GRIN2A: variants seen among roughly 807,000 people sequenced by gnomAD.
GRIN2A encodes the protein glutamate ionotropic receptor NMDA type subunit 2A.
Under a neutral mutation model 113.4 loss-of-function variants are expected in GRIN2A, and 22 were observed. The ratio of observed to expected loss-of-function variants is 0.19; its 90% CI spans 0.14 to 0.28. The LOEUF (loss-of-function observed/expected upper bound fraction) is 0.28. GRIN2A is among the 10% of genes least tolerant of loss of function. The pLI is 1.00. For synonymous variants in GRIN2A, 827 were observed against 738.4 expected (o/e 1.12, Z -1.94); for missense variants, 1,502 against 1,887.0 (o/e 0.80, Z 3.78).
At chr16:10,000,052 C>G (rs997179954) in intron 2 of GRIN2A, among the ~76,000 whole-genome samples, 2 of 152,168 alleles carry the variant, frequency 1.3e-5, no homozygotes, top group African/African-American at 4.8e-5. Context: ...CCTCTGTTTC[C>G]TCTACCTTCA....
chr16:9,848,242 G>T (rs959668606), intron 5 of GRIN2A, among the ~76,000 whole-genome samples: 7 of 150,726 alleles, frequency 4.6e-5, no homozygotes, highest in African/African-American at 1.7e-4. Context: ...TTGAGTCAGA[G>T]TCTCACTCTG....
intron 3 of GRIN2A, among the ~76,000 whole-genome samples, chr16:9,926,746 A>G (rs1010639181): frequency 6.6e-6 from 1 of 152,204 alleles, no homozygotes; most frequent in African/African-American, 2.4e-5. Context: ...ACTAAGGTGT[A>G]CTGCGCAGAG....
chr16:9,826,843 C>T (rs2042397192), intron 9 of GRIN2A, among the ~76,000 whole-genome samples: 2 of 152,138 alleles, frequency 1.3e-5, no homozygotes, highest in Admixed American at 6.5e-5. Context: ...TTAGTTTTCC[C>T]ACAAGTGGTC....
chr16:9,948,245 A>G (rs1386818353), intron 2 of GRIN2A, among the ~76,000 whole-genome samples: 1 of 152,206 alleles, frequency 6.6e-6, no homozygotes, highest in Non-Finnish European at 1.5e-5. Flanking sequence ...TTCAGGGAAT[A>G]TTTCTATTCC....
chr16:9,851,924 G>C (rs2042889737), intron 4 of GRIN2A, among the ~76,000 whole-genome samples: 2 of 152,154 alleles, frequency 1.3e-5, no homozygotes, highest in South Asian at 4.1e-4. Flanking sequence ...TACTATTGTT[G>C]TTAACATTTA....
At chr16:10,166,482 C>G (rs1160123939) in intron 2 of GRIN2A, among the ~76,000 whole-genome samples, 3 of 152,140 alleles carry the variant, frequency 2.0e-5, no homozygotes, top group African/African-American at 7.2e-5. Flanking sequence ...GGCAGGCACC[C>G]AGGACACAAG....
intron 10 of GRIN2A, among the ~76,000 whole-genome samples, chr16:9,811,336 C>T (rs80049283): frequency 0.011 from 1,683 of 152,282 alleles, 34 homozygotes; most frequent in Admixed American, 0.044. Context: ...AACCTTCAGA[C>T]GAACTGTGGC....
chr16:9,924,129 A>T (rs4608333), intron 3 of GRIN2A, among the ~76,000 whole-genome samples: 2 of 132,798 alleles, frequency 1.5e-5, no homozygotes, highest in African/African-American at 5.8e-5. Context: ...AAAAAAAAAA[A>T]AAAAAAAAAA....
rs74847563 is a variant in GRIN2A, at chr16:9,956,955, G to A, written c.415-18404C>T. On this transcript the variant is annotated intron_variant, in intron 2 of 12. Transcript: ENST00000330684. ...GAGACTGGTTCTCTGCTAATAAAAT[G>A]TATTTGTATTCCTTTGTACCTAAAG... 2.4e-4 allele frequency among the ~76,000 whole-genome samples: 36 copies of A among 152,314 alleles called. No homozygotes were observed. In the East Asian group the frequency reaches 6.2e-3, roughly 26 times the overall value.
chr16:9,800,750 A>G (rs944746934), intron 10 of GRIN2A, among the ~76,000 whole-genome samples: 5 of 152,148 alleles, frequency 3.3e-5, no homozygotes, highest in African/African-American at 1.2e-4. Flanking sequence ...AAGCAGCAGC[A>G]GAAGAGAACT....
At chr16:9,944,033 G>A (rs535784843) in intron 2 of GRIN2A, among the ~76,000 whole-genome samples, 6 of 152,254 alleles carry the variant, frequency 3.9e-5, no homozygotes, top group African/African-American at 1.2e-4. Flanking sequence ...AGAGGGGCAG[G>A]AGGCTTACAC....
chr16:10,018,353 G>A (rs2046648377), intron 2 of GRIN2A, among the ~76,000 whole-genome samples: 1 of 152,152 alleles, frequency 6.6e-6, no homozygotes, highest in Non-Finnish European at 1.5e-5. Context: ...AAGAGAAGAA[G>A]GTGGGGTTTC....
intron 2 of GRIN2A, among the ~76,000 whole-genome samples, chr16:9,994,324 G>A (rs2046182174): frequency 1.3e-5 from 2 of 152,160 alleles, no homozygotes; most frequent in African/African-American, 4.8e-5. Context: ...CATCTTCTCT[G>A]TACTCAGGCC....
intron 3 of GRIN2A, among the ~76,000 whole-genome samples, chr16:9,897,879 A>G (rs1005457590): frequency 6.6e-6 from 1 of 152,138 alleles, no homozygotes; most frequent in Non-Finnish European, 1.5e-5. Flanking sequence ...TCTAGTGCTA[A>G]ACAGGGTGTG....
intron 2 of GRIN2A, among the ~76,000 whole-genome samples, chr16:9,965,426 G>A (rs546252652): frequency 6.6e-6 from 1 of 152,186 alleles, no homozygotes; most frequent in Non-Finnish European, 1.5e-5. Context: ...GGGCAGTGAG[G>A]AAGCCAGGAA....
At chr16:9,992,548 G>A (rs1180609906) in intron 2 of GRIN2A, among the ~76,000 whole-genome samples, 1 of 152,178 alleles carries the variant, frequency 6.6e-6, no homozygotes. Flanking sequence ...AACCCGCCTC[G>A]TTTTAGCTCC....
rs558223367 is a variant in GRIN2A at position 9,828,870 on chromosome 16, G to A, written c.2007+553C>T. On this transcript the variant is annotated intron_variant, in intron 9 of 12. Transcript: ENST00000330684. ...AAAGAAAGAAAGAAAAAAACTCTCTGCTCCTTTTGTGTGCCTTGAAGACAT... is the reference window on the plus strand; with the variant it reads ...AAAGAAAGAAAGAAAAAAACTCTCTACTCCTTTTGTGTGCCTTGAAGACAT... 4.0e-4 allele frequency among the ~76,000 whole-genome samples: 61 copies of A among 152,294 alleles called. No individual in the cohort carries two copies. In the South Asian group the frequency reaches 9.5e-3, roughly 24 times the overall value.
chr16:9,951,853 G>C (rs755319039), intron 2 of GRIN2A, among the ~76,000 whole-genome samples: 1 of 152,158 alleles, frequency 6.6e-6, no homozygotes, highest in African/African-American at 2.4e-5. Flanking sequence ...TTGCAGGCGA[G>C]AGCCCAAGTC....
At chr16:10,074,337 C>A (rs2047825476) in intron 2 of GRIN2A, among the ~76,000 whole-genome samples, 3 of 152,226 alleles carry the variant, frequency 2.0e-5, no homozygotes, top group Admixed American at 2.0e-4. Flanking sequence ...AAAAGCTACA[C>A]ATAGAACTCC....
Sources: gnomAD v4.1 joint callset for allele counts (sites outside exome capture counted in the v4.1 genomes callset) on GRCh38, gnomAD v4.1.1 for gene constraint, MANE v1.5 for transcripts, NCBI Gene and HGNC (gene_info 2026-07-23, HGNC 2026-07-21) for gene names.